Variants in ZNF215 observed in about 807,000 individuals in gnomAD.
ZNF215 encodes zinc finger protein 215.
A neutral mutation model predicts 27.2 loss-of-function variants in ZNF215; 24 were observed. The observed-to-expected ratio is 0.88, with a 90% CI of 0.64 to 1.24. The LOEUF is 1.24. Among genes scored for constraint, ZNF215 ranks in the 50% most tolerant of loss-of-function variants. The probability of loss-of-function intolerance (pLI) is 0.00; values close to 1 mark genes in which losing one functional copy is unlikely to be tolerated. For missense variants in ZNF215, 675 were observed against 605.7 expected (o/e 1.11, Z -1.20); for synonymous variants, 210 against 204.0 (o/e 1.03, Z -0.25).
At chr11:6,984,036 C>CCA in intron 5 of ZNF215, 1 of 341,228 alleles carries the variant, frequency 2.9e-6, no homozygotes. Flanking sequence ...TAAAAATTAA[C>CCA]ATACTCTCAA....
intron 2 of ZNF215, among the ~76,000 whole-genome samples, chr11:6,930,177 T>C (rs1054942052): frequency 6.6e-5 from 10 of 151,890 alleles, no homozygotes; most frequent in Admixed American, 5.2e-4. Flanking sequence ...TGCATGAGCC[T>C]CAGTCCTAGA....
At chr11:6,943,781 C>T (rs2515947) in intron 6 of ZNF215, 140 bp downstream of exon 6, 1 of 703,640 alleles carries the variant, frequency 1.4e-6, no homozygotes, top group Non-Finnish European at 2.5e-6. Flanking sequence ...AGACATTATT[C>T]GCTTTTGTTC....
intron 5 of ZNF215, among the ~76,000 whole-genome samples, chr11:6,982,493 C>G (rs1164335459): frequency 1.3e-5 from 2 of 152,058 alleles, no homozygotes; most frequent in Non-Finnish European, 2.9e-5. Flanking sequence ...CCAAAATTGA[C>G]CACATACTTG....
downstream of ZNF215, among the ~76,000 whole-genome samples, chr11:6,987,748 C>G (rs570676064): frequency 6.6e-6 from 1 of 152,244 alleles, no homozygotes; most frequent in African/African-American, 2.4e-5. Context: ...CCATTGTAGT[C>G]TCTAGTAACC....
chr11:6,976,789 G>C (rs1181498108), intron 5 of ZNF215, among the ~76,000 whole-genome samples: 2 of 152,042 alleles, frequency 1.3e-5, no homozygotes, highest in Non-Finnish European at 2.9e-5. Context: ...AAATACACAT[G>C]TATATGTTTT....
chr11:6,932,926 C>CA (rs1849315254), intron 3 of ZNF215, among the ~76,000 whole-genome samples: 1 of 152,108 alleles, frequency 6.6e-6, no homozygotes, highest in Non-Finnish European at 1.5e-5. Context: ...CAGGAGTTGG[C>CA]AAAATATGGC....
Position 6,956,477 on chromosome 11 carries a change from C to A in ZNF215, c.1500C>A (p.Asn500Lys). The A allele has an allele frequency of 6.2e-7, 1 of 1,612,812 alleles. No individual in the cohort carries two copies. The highest frequency in any genetic ancestry group is 8.5e-7 in the Non-Finnish European group (1 of 1,179,662). ...FKCKECSKAF[N>K]RSSNLVKHQK... ...GTAAGGAATGTAGTAAAGCCTTCAA[C>A]AGGAGTTCAAACCTTGTTAAACATC... Residue 500 changes from asparagine (N) to lysine (K), a missense_variant, in exon 7 of 7, where the codon AAC (asparagine) becomes AAA (lysine). Physicochemically the swap from Asn to Lys is moderately conservative, Grantham distance 94. Transcript: ENST00000278319.
rs755021360 is a variant in ZNF215, at chr11:6,932,281, T to C, written c.9T>C (p.Pro3=). The C allele has an allele frequency of 6.2e-7, 1 of 1,613,608 alleles. No individual in the cohort carries two copies. Among genetic ancestry groups the C allele is most frequent in the Non-Finnish European group, 8.5e-7 (1 of 1,179,742 alleles). Residue 3 remains proline (P), a synonymous_variant, in exon 3 of 7, where the codon CCT becomes CCC. Coordinates refer to ENST00000278319, the MANE Select transcript of ZNF215 (RefSeq NM_013250.4). MQ[P]LSKLMAISKP... Reference sequence around the variant, plus strand: ...GAGTTCTATTTAGGAAGATGCAGCCTCTGAGCAAGTTGATGGCTATCTCAA... The same window carrying C: ...GAGTTCTATTTAGGAAGATGCAGCCCCTGAGCAAGTTGATGGCTATCTCAA...
rs146561748 is a variant in ZNF215 at position 6,937,623 on chromosome 11, A to G, written c.401-3948A>G. The stretch of plus-strand genomic sequence containing the variant: ...TTAGAATGTATACTTCTCAATTTCA[A>G]AACTCACTAAAAAGCTGCAATAATC... On this transcript the variant is annotated intron_variant, in intron 3 of 6. Coordinates refer to ENST00000278319, the MANE Select transcript of ZNF215 (RefSeq NM_013250.4). 7.2e-5 allele frequency among the ~76,000 whole-genome samples: 11 copies of G among 151,942 alleles called. No individual in the cohort carries two copies. The East Asian group carries it at 2.1e-3, about 29-fold the overall frequency.
downstream of ZNF215, among the ~76,000 whole-genome samples, chr11:6,991,792 A>T (rs1436806008): frequency 6.6e-6 from 1 of 152,136 alleles, no homozygotes; most frequent in African/African-American, 2.4e-5. Context: ...GTAATATTTT[A>T]ATACCACTTT....
chr11:6,971,088 C>A (rs1850709928), intron 5 of ZNF215, among the ~76,000 whole-genome samples: 1 of 151,788 alleles, frequency 6.6e-6, no homozygotes, highest in African/African-American at 2.4e-5. Context: ...TAAATATTAG[C>A]CCTGGACTGT....
chr11:6,988,023 C>T (rs1460297366), downstream of ZNF215, among the ~76,000 whole-genome samples: 1 of 152,200 alleles, frequency 6.6e-6, no homozygotes, highest in South Asian at 2.1e-4. Context: ...TATCTAAGAA[C>T]ATTCTGTAGG....
intron 5 of ZNF215, among the ~76,000 whole-genome samples, chr11:6,963,088 T>G (rs1850550542): frequency 6.6e-6 from 1 of 152,098 alleles, no homozygotes; most frequent in South Asian, 2.1e-4. Context: ...TCATCCATCT[T>G]TCCTGGGCAT....
intron 6 of ZNF215, among the ~76,000 whole-genome samples, chr11:6,954,687 C>T (rs61878993): frequency 0.038 from 5,724 of 152,294 alleles, 140 homozygotes; most frequent in Non-Finnish European, 0.056. Flanking sequence ...TTGCGCTTCC[C>T]GAGTGAAGCA....
rs762697859 is a variant in ZNF215, at chr11:6,956,230, G to A, written c.1253G>A (p.Arg418Gln). Residue 418 changes from arginine to glutamine, a missense_variant, in exon 7 of 7, where the codon CGA becomes CAA. Physicochemically the swap from Arg to Gln is conservative, Grantham distance 43 (BLOSUM62 1). Transcript: ENST00000278319. ...AGTGAATGTGGGAGATTCTTCAACCGACGTACAAACCTTACTAAGCATCAA... is the reference window on the plus strand; with the variant it reads ...AGTGAATGTGGGAGATTCTTCAACCAACGTACAAACCTTACTAAGCATCAA... ...KCSECGRFFN[R>Q]RTNLTKHQKL... 27 of 1,613,102 alleles carry A rather than the reference G, an allele frequency of 1.7e-5. No homozygotes were observed. The highest frequency in any genetic ancestry group is 3.3e-5 in the Admixed American group (2 of 59,912).
chr11:6,965,852 G>A (rs1850608015), intron 5 of ZNF215, among the ~76,000 whole-genome samples: 1 of 151,896 alleles, frequency 6.6e-6, no homozygotes, highest in Non-Finnish European at 1.5e-5. Context: ...TAGTATTTTA[G>A]TTCTGTCTTC....
In ZNF215 at chr11:6,954,815, C is replaced by T. The variant is rs199944324; in HGVS notation, c.713-875C>T. Among the ~76,000 whole-genome samples, 316 of 152,294 alleles carry T rather than the reference C, an allele frequency of 2.1e-3. 1 individual carries two copies. The highest frequency in any genetic ancestry group is 5.8e-3 in the Admixed American group (88 of 15,304). On this transcript the variant is annotated intron_variant, in intron 6 of 6. Coordinates refer to ENST00000278319, the MANE Select transcript of ZNF215 (RefSeq NM_013250.4). ...CTCAGATGGAAATGCAGAAGTCACCCGTCTTCTGCGTCACTCACGCTGGGA... is the reference window on the plus strand; with the variant it reads ...CTCAGATGGAAATGCAGAAGTCACCTGTCTTCTGCGTCACTCACGCTGGGA...
In ZNF215 at chr11:6,943,548, C is replaced by G. The variant is rs1486468387; in HGVS notation, c.619C>G (p.His207Asp). Reference protein sequence around the residue: ...FRNLNSLRKAHLLSKPFESLK... With the variant: ...FRNLNSLRKADLLSKPFESLK... Reference sequence around the variant, plus strand: ...CTTTTTATTTTCTCCATGAACAGCACATCTACTTTCCAAACCATTTGAGAG... The same window carrying G: ...CTTTTTATTTTCTCCATGAACAGCAGATCTACTTTCCAAACCATTTGAGAG... The change falls in exon 6 of 7, where the codon CAT becomes GAT. Residue 207 changes from histidine (H) to aspartate (D), a missense_variant and splice_region_variant. Transcript: ENST00000278319. 6.2e-7 allele frequency: 1 copy of G among 1,613,056 alleles called. No homozygotes were observed.
At chr11:6,993,099 G>T (rs565621597), downstream of ZNF215, among the ~76,000 whole-genome samples, 3 of 152,260 alleles carry the variant, frequency 2.0e-5, no homozygotes, top group East Asian at 3.9e-4. Flanking sequence ...ATTTTGTCAC[G>T]CTGTCAGCCT....
Sources: gnomAD v4.1 joint callset for allele counts (sites outside exome capture counted in the v4.1 genomes callset) on GRCh38, gnomAD v4.1.1 for gene constraint, MANE v1.5 for transcripts, NCBI Gene and HGNC (gene_info 2026-07-23, HGNC 2026-07-21) for gene names.